Variants in DSCAM observed in about 807,000 individuals in gnomAD.
DSCAM encodes DS cell adhesion molecule, also known as cell adhesion molecule DSCAM.
In DSCAM, 47 loss-of-function variants were observed where a neutral mutation model predicts 217.7. That is an observed-to-expected ratio of 0.22 (90% CI 0.17 to 0.28). DSCAM has a LOEUF of 0.28. DSCAM is among the 10% of genes least tolerant of loss of function. DSCAM has a pLI of 1.00. For synonymous variants in DSCAM, 1,056 were observed against 1,015.3 expected, an observed-to-expected ratio of 1.04 and a Z score of -0.76; for missense variants, 2,080 against 2,618.3, an observed-to-expected ratio of 0.79 and a Z score of 4.49.
At chr21:40,321,267 C>A (rs922364832) in intron 8 of DSCAM, among the ~76,000 whole-genome samples, 3 of 152,150 alleles carry the variant, frequency 2.0e-5, no homozygotes, top group Non-Finnish European at 2.9e-5. Context: ...ACAAAAACTC[C>A]TTCTCAAGAT....
At chr21:40,065,612 C>T (rs531287529) in intron 27 of DSCAM, among the ~76,000 whole-genome samples, 4 of 152,160 alleles carry the variant, frequency 2.6e-5, no homozygotes, top group Non-Finnish European at 4.4e-5. Context: ...CGGTTGGGGT[C>T]GGTGCTCCTG....
intron 3 of DSCAM, among the ~76,000 whole-genome samples, chr21:40,545,878 C>A (rs954778980): frequency 2.0e-5 from 3 of 152,204 alleles, no homozygotes; most frequent in African/African-American, 7.2e-5. Context: ...GGAGTGGCCA[C>A]GTGTCAAGGG....
At chr21:40,390,245 T>C (rs1361836180) in intron 3 of DSCAM, among the ~76,000 whole-genome samples, 1 of 152,242 alleles carries the variant, frequency 6.6e-6, no homozygotes, top group Non-Finnish European at 1.5e-5. Context: ...ATTTTTGTTC[T>C]TTTGACTCTT....
At chr21:40,484,157 A>G (rs146451985) in intron 3 of DSCAM, among the ~76,000 whole-genome samples, 19 of 152,314 alleles carry the variant, frequency 1.2e-4, no homozygotes, top group African/African-American at 4.6e-4. Context: ...ACATCCAAAG[A>G]CTACGATTTA....
intron 3 of DSCAM, chr21:40,383,973 A>T (rs927110102): frequency 3.3e-5 from 5 of 152,216 alleles, no homozygotes; most frequent in African/African-American, 1.2e-4. Flanking sequence ...AGTGTTTCTT[A>T]GAGAAAGGGA....
At chr21:40,149,890 C>T (rs952956579) in intron 16 of DSCAM, among the ~76,000 whole-genome samples, 3 of 151,278 alleles carry the variant, frequency 2.0e-5, no homozygotes, top group Non-Finnish European at 2.9e-5. Context: ...ATCACTATAA[C>T]GACAACCATC....
At chr21:40,477,265 T>C (rs553899640) in intron 3 of DSCAM, among the ~76,000 whole-genome samples, 17 of 151,900 alleles carry the variant, frequency 1.1e-4, no homozygotes, top group African/African-American at 3.9e-4. Flanking sequence ...CTATCTGCCA[T>C]AGAAAATCAG....
intron 4 of DSCAM, among the ~76,000 whole-genome samples, chr21:40,365,237 C>G (rs935003873): frequency 6.6e-6 from 1 of 152,002 alleles, no homozygotes; most frequent in Admixed American, 6.6e-5. Context: ...TCTGGGTGGG[C>G]ACCATTAATC....
intron 29 of DSCAM, among the ~76,000 whole-genome samples, chr21:40,053,055 C>T (rs2146499528): frequency 6.6e-6 from 1 of 152,286 alleles, no homozygotes; most frequent in East Asian, 1.9e-4. Flanking sequence ...CAGCAGGGAC[C>T]ATACTGCAGC....
At chr21:40,279,419 A>G (rs2073730354) in intron 10 of DSCAM, among the ~76,000 whole-genome samples, 1 of 152,250 alleles carries the variant, frequency 6.6e-6, no homozygotes, top group Admixed American at 6.5e-5. Context: ...TCAAAACCAC[A>G]ATGTGATACC....
intron 29 of DSCAM, among the ~76,000 whole-genome samples, chr21:40,055,235 G>T (rs1037201082): frequency 1.3e-5 from 2 of 152,186 alleles, no homozygotes; most frequent in South Asian, 4.1e-4. Context: ...GCACTGGTGT[G>T]GGGGAAGATA....
At chr21:40,079,410 C>A (rs2089420146) in intron 25 of DSCAM, among the ~76,000 whole-genome samples, 1 of 152,126 alleles carries the variant, frequency 6.6e-6, no homozygotes, top group Non-Finnish European at 1.5e-5. Context: ...GCCCAGGGAC[C>A]TAAAGGATAT....
Position 40,682,778 on chromosome 21 carries a change from GGGGAGGGGAGGGGAGGGA to G in DSCAM, c.508+10014_508+10031del, listed in dbSNP as rs1568982191. ...GGGGGGGGGAGGGGAGGGAAGGAGA[GGGGAGGGGAGGGGAGGGA>G]AGGGAAGGGAAGGGAAGGGAAGGGA... On this transcript the variant is annotated intron_variant, in intron 3 of 32. Coordinates refer to ENST00000400454, the MANE Select transcript of DSCAM (RefSeq NM_001389.5). 2.6e-3 allele frequency among the ~76,000 whole-genome samples: 30 copies of G among 11,476 alleles called. 9 individuals carry two copies. Among genetic ancestry groups the G allele is most frequent in the African/African-American group, 4.4e-3 (12 of 2,704 alleles). 7.5% of individuals were successfully genotyped at this position (11,476 alleles called of 152,430 possible). A position where few individuals can be genotyped will look rare whatever the true frequency, so the allele number is the denominator to read the frequency against.
intron 4 of DSCAM, among the ~76,000 whole-genome samples, chr21:40,360,281 T>C (rs1260149474): frequency 6.6e-6 from 1 of 151,728 alleles, no homozygotes; most frequent in Non-Finnish European, 1.5e-5. Flanking sequence ...TACAGGCGCC[T>C]ACCACCACGC....
intron 3 of DSCAM, among the ~76,000 whole-genome samples, chr21:40,569,189 T>C (rs773512738): frequency 5.3e-5 from 8 of 152,210 alleles, no homozygotes; most frequent in Non-Finnish European, 1.0e-4. Context: ...CTTGCTTCCA[T>C]TTATTTTCTT....
chr21:40,017,596 T>G (rs2088182439), intron 32 of DSCAM, among the ~76,000 whole-genome samples: 1 of 151,978 alleles, frequency 6.6e-6, no homozygotes, highest in African/African-American at 2.4e-5. Context: ...AGTTTTGCTC[T>G]TGTCGCCCAG....
chr21:40,011,978 A>G lies in DSCAM; in HGVS notation c.*1056T>C, dbSNP rs1449331139. 1.3e-5 allele frequency: 2 copies of G among 152,244 alleles called. No homozygotes were observed. Among genetic ancestry groups the G allele is most frequent in the Non-Finnish European group, 2.9e-5 (2 of 68,050 alleles). The allele number at this position is 152,244 out of a possible 1,614,324, so 9.4% of individuals were successfully genotyped here. A position where few individuals can be genotyped will look rare whatever the true frequency, so the allele number is the denominator to read the frequency against. ...TATTTTAGGCTTCATGGGCTATACC[A>G]TCTCTGCTGCAACTATTCAGCTCTA... is the stretch of plus-strand genomic sequence containing the variant. On this transcript the variant is annotated 3_prime_UTR_variant, in exon 33 of 33. Transcript: ENST00000400454.
At chr21:40,114,442 T>C (rs374222073) in intron 20 of DSCAM, among the ~76,000 whole-genome samples, 15,643 of 146,970 alleles carry the variant, frequency 0.11, 713 homozygotes, top group Non-Finnish European at 0.14. Context: ...AAATGTTAGA[T>C]CTAAAACCAT....
At chr21:40,258,116 T>G (rs532272872) in intron 11 of DSCAM, among the ~76,000 whole-genome samples, 1 of 152,182 alleles carries the variant, frequency 6.6e-6, no homozygotes, top group Non-Finnish European at 1.5e-5. Flanking sequence ...GCATCTGACC[T>G]GCATCTCCGG....
Sources: allele counts gnomAD v4.1 joint callset (sites outside exome capture counted in the v4.1 genomes callset), GRCh38; gene constraint gnomAD v4.1.1; transcripts MANE v1.5; gene names NCBI Gene and HGNC (gene_info 2026-07-23, HGNC 2026-07-21).